Variants in KCNIP4 observed in about 807,000 individuals in gnomAD.
KCNIP4 encodes Kv channel-interacting protein 4.
Under a neutral mutation model 34.0 loss-of-function variants are expected in KCNIP4, and 12 were observed. That is an observed-to-expected ratio of 0.35 (90% CI 0.23 to 0.57). The LOEUF (loss-of-function observed/expected upper bound fraction) is 0.57. Ranked by LOEUF, KCNIP4 falls within the 20% of genes least tolerant of loss-of-function variation. The pLI is 0.83. For missense variants in KCNIP4, 238 were observed against 311.7 expected, an observed-to-expected ratio of 0.76 and a Z score of 1.78; for synonymous variants, 124 against 102.2, an observed-to-expected ratio of 1.21 and a Z score of -1.29.
chr4:21,397,377 C>A lies in KCNIP4; in HGVS notation c.62-514668G>T, dbSNP rs916217300. Among the ~76,000 whole-genome samples the A allele has an allele frequency of 1.6e-4, 24 of 152,202 alleles. No individual in the cohort carries two copies. In the East Asian group the frequency reaches 4.6e-3, roughly 29 times the overall value. ...TAATATTTTTTTCCATGAATAATAT[C>A]ATCACATTTATCAATAGCATACTAA... On this transcript the variant is annotated intron_variant, in intron 1 of 8. Transcript: ENST00000382152.
chr4:20,841,423 T>C (rs192995456), intron 3 of KCNIP4, among the ~76,000 whole-genome samples: 105 of 152,234 alleles, frequency 6.9e-4, no homozygotes, highest in African/African-American at 2.3e-3. Context: ...TGGGAGCACA[T>C]AGCAGAGTCT....
intron 1 of KCNIP4, among the ~76,000 whole-genome samples, chr4:21,562,495 A>G (rs539376092): frequency 1.3e-5 from 2 of 152,092 alleles, no homozygotes; most frequent in Non-Finnish European, 2.9e-5. Flanking sequence ...GTTTATGCCG[A>G]GTAAACATTC....
intron 2 of KCNIP4, among the ~76,000 whole-genome samples, chr4:20,860,197 T>C (rs1244253637): frequency 6.6e-6 from 1 of 152,040 alleles, no homozygotes; most frequent in Non-Finnish European, 1.5e-5. Flanking sequence ...TGGAGTGCAG[T>C]GGTGCAATCT....
rs574495284 is a variant in KCNIP4 at position 20,871,463 on chromosome 4, TA to T, written c.163+11144del. 8.2e-3 allele frequency among the ~76,000 whole-genome samples: 1,222 copies of T among 148,558 alleles called. 16 individuals are homozygous for T. Among genetic ancestry groups the T allele is most frequent in the African/African-American group, 0.027 (1,088 of 40,590 alleles). ...CTTTTATGGAATGAAGGAATACATT[TA>T]AAAAAAAAAATTAAAAGGGCCAGGG... On this transcript the variant is annotated intron_variant, in intron 2 of 8. Coordinates refer to ENST00000382152, the MANE Select transcript of KCNIP4 (RefSeq NM_025221.6).
At chr4:21,666,096 C>T (rs1748932317) in intron 1 of KCNIP4, among the ~76,000 whole-genome samples, 4 of 152,148 alleles carry the variant, frequency 2.6e-5, no homozygotes, top group Non-Finnish European at 5.9e-5. Flanking sequence ...ATTTTAGTTT[C>T]CCTTCAAACA....
intron 1 of KCNIP4, among the ~76,000 whole-genome samples, chr4:21,373,698 GTTTA>G (rs993564936): frequency 2.0e-5 from 3 of 146,726 alleles, no homozygotes; most frequent in South Asian, 2.1e-4. Flanking sequence ...ATTTTATCTT[GTTTA>G]TTTATTTATT....
intron 1 of KCNIP4, among the ~76,000 whole-genome samples, chr4:21,486,590 TAA>T (rs1362591380): frequency 1.3e-5 from 2 of 152,276 alleles, no homozygotes; most frequent in South Asian, 2.1e-4. Flanking sequence ...TAAAGAATAT[TAA>T]GAGAAAATGA....
intron 1 of KCNIP4, among the ~76,000 whole-genome samples, chr4:21,052,329 G>T (rs1743009245): frequency 6.6e-6 from 1 of 152,116 alleles, no homozygotes; most frequent in African/African-American, 2.4e-5. Context: ...TGACCAAAAT[G>T]ACAAAGGTAC....
At chr4:20,750,925 T>A (rs1015627742) in intron 4 of KCNIP4, among the ~76,000 whole-genome samples, 1 of 152,212 alleles carries the variant, frequency 6.6e-6, no homozygotes. Flanking sequence ...TTTTACTTTA[T>A]GAATTGCTTT....
intron 1 of KCNIP4, among the ~76,000 whole-genome samples, chr4:21,722,621 A>G (rs1714896972): frequency 6.6e-6 from 1 of 152,140 alleles, no homozygotes; most frequent in South Asian, 2.1e-4. Context: ...TTTTCAATTG[A>G]GAAGAGAGAA....
chr4:21,455,179 A>G (rs1728823056), intron 1 of KCNIP4, among the ~76,000 whole-genome samples: 1 of 151,638 alleles, frequency 6.6e-6, no homozygotes, highest in African/African-American at 2.4e-5. Context: ...TGGGTCAGAT[A>G]TCTACACCTG....
rs943065152 is a variant in KCNIP4 at position 20,746,912 on chromosome 4, A to G, written c.429+2750T>C. Among the ~76,000 whole-genome samples the G allele has an allele frequency of 2.0e-5, 3 of 152,282 alleles. No individual in the cohort carries two copies. In the East Asian group the frequency reaches 5.8e-4, roughly 29 times the overall value. The stretch of plus-strand genomic sequence containing the variant: ...CAGTATGCTATTGCTATTATTCAAA[A>G]TGTGTTCATTCCCTAACCATTTCTA... On this transcript the variant is annotated intron_variant, in intron 5 of 8. Transcript: ENST00000382152.
chr4:21,069,229 T>G (rs1463273870), intron 1 of KCNIP4, among the ~76,000 whole-genome samples: 2 of 150,600 alleles, frequency 1.3e-5, no homozygotes, highest in Middle Eastern at 3.2e-3. Flanking sequence ...TTCTCTAAGT[T>G]TTTTTTTTTA....
intron 1 of KCNIP4, among the ~76,000 whole-genome samples, chr4:21,637,843 C>G (rs1746328009): frequency 6.6e-6 from 1 of 150,826 alleles, no homozygotes; most frequent in Non-Finnish European, 1.5e-5. Context: ...AAGGAGCTTG[C>G]CTAATCACAC....
intron 1 of KCNIP4, among the ~76,000 whole-genome samples, chr4:21,041,027 G>C (rs1741912043): frequency 2.0e-5 from 3 of 151,424 alleles, no homozygotes; most frequent in Admixed American, 2.0e-4. Context: ...TATTGGTGCA[G>C]TTTGTCTTCT....
At chr4:21,594,933 A>C (rs1742515262) in intron 1 of KCNIP4, among the ~76,000 whole-genome samples, 3 of 152,084 alleles carry the variant, frequency 2.0e-5, no homozygotes, top group Admixed American at 1.3e-4. Context: ...TTTGGTCATG[A>C]AAAGTAATGG....
At chr4:21,243,701 GT>G (rs1193588611) in intron 1 of KCNIP4, among the ~76,000 whole-genome samples, 6 of 152,270 alleles carry the variant, frequency 3.9e-5, no homozygotes, top group Admixed American at 3.9e-4. Context: ...CCAAAATCAA[GT>G]TCCCCATGTA....
chr4:20,963,531 T>G (rs188123955), intron 1 of KCNIP4, among the ~76,000 whole-genome samples: 1 of 152,190 alleles, frequency 6.6e-6, no homozygotes, highest in East Asian at 1.9e-4. Context: ...CTACATGCTC[T>G]TAGGAAAGGT....
intron 1 of KCNIP4, among the ~76,000 whole-genome samples, chr4:21,129,362 A>C (rs1180055059): frequency 6.6e-6 from 1 of 152,236 alleles, no homozygotes; most frequent in Non-Finnish European, 1.5e-5. Context: ...GACAAAGTAG[A>C]CACTCAATAC....
Sources: allele counts gnomAD v4.1 joint callset (sites outside exome capture counted in the v4.1 genomes callset), GRCh38; gene constraint gnomAD v4.1.1; transcripts MANE v1.5; gene names NCBI Gene and HGNC (gene_info 2026-07-23, HGNC 2026-07-21).